Variants in SLC25A26 observed in about 807,000 individuals in gnomAD.
The protein encoded by SLC25A26 is solute carrier family 25 member 26.
A neutral mutation model predicts 37.8 loss-of-function variants in SLC25A26; 36 were observed. The ratio of observed to expected loss-of-function variants is 0.95; its 90% CI spans 0.73 to 1.26. The LOEUF (loss-of-function observed/expected upper bound fraction) is 1.26. SLC25A26 is among the 50% of genes most tolerant of loss of function. The probability of loss-of-function intolerance (pLI) is 0.00; values close to 1 mark genes in which losing one functional copy is unlikely to be tolerated. For synonymous variants in SLC25A26, 129 were observed against 122.5 expected, an observed-to-expected ratio of 1.05 and a Z score of -0.35; for missense variants, 390 against 331.1, an observed-to-expected ratio of 1.18 and a Z score of -1.38.
chr3:66,138,981 A>C (rs940696400), intron 1 of SLC25A26, among the ~76,000 whole-genome samples: 5 of 152,140 alleles, frequency 3.3e-5, no homozygotes, highest in Admixed American at 6.6e-5. Context: ...GAGTAGATTG[A>C]TTGATTACTT....
chr3:66,312,964 CCT>C (rs1491558794), intron 5 of SLC25A26, among the ~76,000 whole-genome samples: 24 of 152,106 alleles, frequency 1.6e-4, no homozygotes, highest in African/African-American at 5.8e-4. Flanking sequence ...GCCAGATCCC[CCT>C]GTTTGTTTGT....
chr3:66,263,386 CACTT>C lies in SLC25A26; in HGVS notation c.453+12_453+15del. 1 of 1,590,274 alleles carries C rather than the reference CACTT, an allele frequency of 6.3e-7. No individual in the cohort carries two copies. The highest frequency in any genetic ancestry group is 8.6e-7 in the Non-Finnish European group (1 of 1,160,048). ...AAGCACAGTTTTAAGAGAGGTAAGT[CACTT>C]ACTTTCCAATATTGAAGTACGAAAG... On this transcript the variant is annotated splice_region_variant and intron_variant, in intron 5 of 9. Coordinates refer to ENST00000354883, the MANE Select transcript of SLC25A26 (RefSeq NM_001379210.1).
intron 5 of SLC25A26, among the ~76,000 whole-genome samples, chr3:66,333,287 A>T (rs751637949): frequency 6.6e-6 from 1 of 151,958 alleles, no homozygotes; most frequent in African/African-American, 2.4e-5. Flanking sequence ...ACTGCTGTTC[A>T]TCTTATTAGA....
chr3:66,180,381 A>G (rs953314245), intron 1 of SLC25A26, among the ~76,000 whole-genome samples: 3 of 152,220 alleles, frequency 2.0e-5, no homozygotes, highest in African/African-American at 4.8e-5. Context: ...AAGCCAATGC[A>G]GGGGCAGGGA....
chr3:66,144,402 G>A (rs915496153), intron 1 of SLC25A26, among the ~76,000 whole-genome samples: 4 of 152,150 alleles, frequency 2.6e-5, no homozygotes, highest in African/African-American at 7.2e-5. Flanking sequence ...CTCTAGACCC[G>A]TGGTTGTCAG....
At chr3:66,292,896 A>G (rs1017117861) in intron 5 of SLC25A26, among the ~76,000 whole-genome samples, 2 of 151,900 alleles carry the variant, frequency 1.3e-5, no homozygotes, top group African/African-American at 4.8e-5. Context: ...ACTTTGTTCC[A>G]TTCTCCCCGT....
chr3:66,236,219 T>C (rs2072273186), intron 1 of SLC25A26, among the ~76,000 whole-genome samples: 1 of 149,340 alleles, frequency 6.7e-6, no homozygotes, highest in African/African-American at 2.5e-5. Context: ...TTTTTTTTTT[T>C]TTTTTTTTTT....
intron 5 of SLC25A26, among the ~76,000 whole-genome samples, chr3:66,264,032 C>A (rs1290170898): frequency 3.9e-5 from 6 of 152,072 alleles, no homozygotes; most frequent in Non-Finnish European, 5.9e-5. Flanking sequence ...GTAATCCCAA[C>A]AGTTTGGGAG....
intron 5 of SLC25A26, among the ~76,000 whole-genome samples, chr3:66,313,363 T>G (rs1268675121): frequency 2.0e-5 from 3 of 152,158 alleles, no homozygotes; most frequent in African/African-American, 7.2e-5. Context: ...CCAGCACCGT[T>G]TATTAAATAG....
intron 1 of SLC25A26, among the ~76,000 whole-genome samples, chr3:66,162,131 G>A (rs886928632): frequency 3.3e-5 from 5 of 152,098 alleles, no homozygotes; most frequent in African/African-American, 1.2e-4. Flanking sequence ...CTTCCAGATG[G>A]CCATCTTCTC....
intron 2 of SLC25A26, among the ~76,000 whole-genome samples, chr3:66,240,786 C>T (rs1231990696): frequency 6.9e-6 from 1 of 144,208 alleles, no homozygotes; most frequent in Admixed American, 7.0e-5. Context: ...CACTCTTTCA[C>T]CCAGGCTGGA....
chr3:66,377,353 A>T (rs1395220263), intron 9 of SLC25A26, among the ~76,000 whole-genome samples: 1 of 152,120 alleles, frequency 6.6e-6, no homozygotes, highest in Non-Finnish European at 1.5e-5. Flanking sequence ...CAGTGGGTGG[A>T]GCGGCAGCAT....
chr3:66,251,451 A>G (rs1442422334), intron 3 of SLC25A26, among the ~76,000 whole-genome samples: 3 of 152,136 alleles, frequency 2.0e-5, no homozygotes, highest in Admixed American at 6.6e-5. Flanking sequence ...TGTTGTGTCT[A>G]TGTGTGTTGT....
chr3:66,330,700 T>G (rs9823233), intron 5 of SLC25A26, among the ~76,000 whole-genome samples: 4 of 151,960 alleles, frequency 2.6e-5, no homozygotes, highest in African/African-American at 9.7e-5. Flanking sequence ...TGTAAACTGC[T>G]GAAACATCCA....
chr3:66,177,404 C>T (rs901960250), intron 1 of SLC25A26, among the ~76,000 whole-genome samples: 3 of 152,314 alleles, frequency 2.0e-5, no homozygotes, highest in Middle Eastern at 3.4e-3. Context: ...TAAAGAGAAT[C>T]ACAGCAGACT....
rs1213722099 is a variant in SLC25A26 at position 66,369,403 on chromosome 3, A to G, written c.569-75A>G. On this transcript the variant is annotated intron_variant, in intron 7 of 9. Coordinates refer to ENST00000354883, the MANE Select transcript of SLC25A26 (RefSeq NM_001379210.1). ...CATAATGACGAAGTGATTTGGGCAG[A>G]GTCAGGAATTCTAAAAATTACAAAA... 3.2e-6 allele frequency: 4 copies of G among 1,250,642 alleles called. No individual in the cohort carries two copies. The East Asian group carries it at 1.0e-4, about 32-fold the overall frequency. The allele number at this position is 1,250,642 out of a possible 1,614,324, so 77.5% of individuals were successfully genotyped here. A position where few individuals can be genotyped will look rare whatever the true frequency, so the allele number is the denominator to read the frequency against.
At chr3:66,142,572 C>G (rs1366730079) in intron 1 of SLC25A26, among the ~76,000 whole-genome samples, 1 of 152,214 alleles carries the variant, frequency 6.6e-6, no homozygotes, top group Non-Finnish European at 1.5e-5. Flanking sequence ...CCTGAACAAA[C>G]AGGCCTTGCT....
intron 1 of SLC25A26, among the ~76,000 whole-genome samples, chr3:66,221,419 C>T (rs891357912): frequency 2.6e-5 from 4 of 152,200 alleles, no homozygotes; most frequent in African/African-American, 7.2e-5. Context: ...CTGTTAACTA[C>T]TCTTTCATTA....
chr3:66,186,168 C>T (rs1426419644), intron 1 of SLC25A26, among the ~76,000 whole-genome samples: 3 of 151,894 alleles, frequency 2.0e-5, no homozygotes, highest in Admixed American at 6.6e-5. Flanking sequence ...CCTAAACCCG[C>T]GTGATATTGA....
Sources: gnomAD v4.1 joint callset for allele counts (sites outside exome capture counted in the v4.1 genomes callset) on GRCh38, gnomAD v4.1.1 for gene constraint, MANE v1.5 for transcripts, NCBI Gene and HGNC (gene_info 2026-07-23, HGNC 2026-07-21) for gene names.